PCDH15: variants seen among roughly 807,000 people sequenced by gnomAD.
PCDH15 encodes protocadherin related 15.
Under a neutral mutation model 178.5 loss-of-function variants are expected in PCDH15, and 129 were observed. That is an observed-to-expected ratio of 0.72 (90% CI 0.63 to 0.84). The LOEUF is 0.84. Among genes scored for constraint, PCDH15 ranks in the 40% least tolerant of loss-of-function variants. PCDH15 has a pLI of 0.00. For missense variants in PCDH15, 2,230 were observed against 2,099.9 expected, an observed-to-expected ratio of 1.06 and a Z score of -1.21; for synonymous variants, 800 against 732.0, an observed-to-expected ratio of 1.09 and a Z score of -1.50.
intron 1 of PCDH15, among the ~76,000 whole-genome samples, chr10:55,234,130 A>T (rs1841306223): frequency 6.6e-6 from 1 of 152,096 alleles, no homozygotes; most frequent in African/African-American, 2.4e-5. Context: ...ATTAACCCAC[A>T]TATACACACA....
chr10:54,492,324 G>T (rs551444765), intron 3 of PCDH15, among the ~76,000 whole-genome samples: 2 of 152,266 alleles, frequency 1.3e-5, no homozygotes, highest in Admixed American at 1.3e-4. Context: ...GCTGTCTGAG[G>T]CAAATACTGT....
At chr10:54,691,841 A>C (rs552703389) in intron 1 of PCDH15, among the ~76,000 whole-genome samples, 1 of 152,206 alleles carries the variant, frequency 6.6e-6, no homozygotes, top group Non-Finnish European at 1.5e-5. Flanking sequence ...TCATAAATTT[A>C]GCTTTACTGA....
intron 2 of PCDH15, among the ~76,000 whole-genome samples, chr10:55,154,855 T>C (rs1180481514): frequency 6.6e-6 from 1 of 152,206 alleles, no homozygotes; most frequent in Non-Finnish European, 1.5e-5. Flanking sequence ...TCAGTGATAG[T>C]TGCTTTACCT....
intron 1 of PCDH15, among the ~76,000 whole-genome samples, chr10:55,211,849 T>C (rs1293890921): frequency 6.6e-6 from 1 of 152,098 alleles, no homozygotes; most frequent in Non-Finnish European, 1.5e-5. Context: ...ATAGAAATGA[T>C]ACAGAAGGTA....
At chr10:54,147,127 C>T (rs1375324424) in intron 14 of PCDH15, among the ~76,000 whole-genome samples, 2 of 150,802 alleles carry the variant, frequency 1.3e-5, no homozygotes, top group Non-Finnish European at 3.0e-5. Flanking sequence ...GTTCATTCAT[C>T]AATTCAATTT....
At chr10:54,330,761 C>A (rs1438633344) in intron 6 of PCDH15, among the ~76,000 whole-genome samples, 2 of 151,804 alleles carry the variant, frequency 1.3e-5, no homozygotes, top group Non-Finnish European at 2.9e-5. Flanking sequence ...TAAGATAAAT[C>A]TCTTATTCTT....
intron 2 of PCDH15, among the ~76,000 whole-genome samples, chr10:55,419,767 G>T (rs1279684394): frequency 6.6e-6 from 1 of 151,616 alleles, no homozygotes; most frequent in Admixed American, 6.6e-5. Context: ...GGCTACAAGT[G>T]TTGGAGTTGA....
intron 10 of PCDH15, among the ~76,000 whole-genome samples, chr10:54,199,476 G>A (rs993481067): frequency 1.3e-5 from 2 of 151,550 alleles, no homozygotes; most frequent in African/African-American, 4.8e-5. Context: ...CGAAAAGCAA[G>A]AGAGATGGGA....
At chr10:55,309,612 AACTAGG>A (rs1482955860) in intron 1 of PCDH15, among the ~76,000 whole-genome samples, 3 of 152,180 alleles carry the variant, frequency 2.0e-5, no homozygotes. Flanking sequence ...GAAAATACTG[AACTAGG>A]ATAAGAATAT....
intron 14 of PCDH15, among the ~76,000 whole-genome samples, chr10:54,135,475 G>A (rs1204453952): frequency 6.6e-6 from 1 of 152,092 alleles, no homozygotes; most frequent in East Asian, 1.9e-4. Context: ...ATTGTATACT[G>A]CAAAGATTCC....
intron 11 of PCDH15, among the ~76,000 whole-genome samples, chr10:54,193,723 A>G (rs2049273871): frequency 1.3e-5 from 2 of 152,166 alleles, no homozygotes; most frequent in South Asian, 4.1e-4. Flanking sequence ...TAGGAAAAGA[A>G]CCTAGAGCAT....
chr10:54,634,037 C>T (rs576580656), intron 2 of PCDH15, among the ~76,000 whole-genome samples: 1 of 152,194 alleles, frequency 6.6e-6, no homozygotes, highest in East Asian at 1.9e-4. Context: ...TCATAAATAC[C>T]TTCCATTACT....
intron 2 of PCDH15, among the ~76,000 whole-genome samples, chr10:55,366,817 C>A (rs1033841835): frequency 6.6e-6 from 1 of 152,180 alleles, no homozygotes; most frequent in East Asian, 1.9e-4. Context: ...AGCCTAAATG[C>A]GGAATTTGGC....
In PCDH15 at chr10:55,073,693, A is replaced by AT. The variant is rs1029376419; in HGVS notation, c.-80+92882dup. ...GTTAGAGAGAGTTCCCCCCTCTTCA[A>AT]TTTTTTATAATACTTTGAGAAGAAT... On this transcript the variant is annotated intron_variant, in intron 2 of 5. Transcript: ENST00000458638. 1.1e-4 allele frequency among the ~76,000 whole-genome samples: 16 copies of AT among 152,090 alleles called. No individual in the cohort carries two copies. The South Asian group carries it at 2.9e-3, about 28-fold the overall frequency.
At chr10:54,561,143 T>A (rs1052920097) in intron 2 of PCDH15, among the ~76,000 whole-genome samples, 5 of 152,074 alleles carry the variant, frequency 3.3e-5, no homozygotes, top group African/African-American at 1.2e-4. Context: ...CGCTTAAACA[T>A]CTTAAGTAAA....
At chr10:55,041,054 T>C (rs1039429631) in intron 2 of PCDH15, among the ~76,000 whole-genome samples, 1 of 152,118 alleles carries the variant, frequency 6.6e-6, no homozygotes, top group Non-Finnish European at 1.5e-5. Flanking sequence ...CATTTAAATA[T>C]TATTTATCTT....
chr10:54,731,667 C>G (rs1439718857), intron 1 of PCDH15, among the ~76,000 whole-genome samples: 1 of 148,842 alleles, frequency 6.7e-6, no homozygotes, highest in Non-Finnish European at 1.5e-5. Flanking sequence ...CATGATGGAA[C>G]AGGAGGTCAT....
chr10:55,208,837 T>C (rs557602843), intron 1 of PCDH15, among the ~76,000 whole-genome samples: 3 of 152,232 alleles, frequency 2.0e-5, no homozygotes, highest in Admixed American at 6.5e-5. Flanking sequence ...CAAGTTACTA[T>C]ATACCATGCA....
chr10:54,220,220 T>G (rs2134181033), intron 9 of PCDH15, among the ~76,000 whole-genome samples: 1 of 152,336 alleles, frequency 6.6e-6, no homozygotes, highest in East Asian at 1.9e-4. Context: ...AGCTGTTAAC[T>G]AGTTACTACG....
Sources: allele counts gnomAD v4.1 joint callset (sites outside exome capture counted in the v4.1 genomes callset), GRCh38; gene constraint gnomAD v4.1.1; transcripts MANE v1.5; gene names NCBI Gene and HGNC (gene_info 2026-07-23, HGNC 2026-07-21).